The following WDR62 variants were observed in gnomAD, a reference collection of about 807,000 sequenced individuals.
WDR62 encodes the protein WD repeat-containing protein 62.
In WDR62, 112 loss-of-function variants were observed where a neutral mutation model predicts 160.6. The ratio of observed to expected loss-of-function variants is 0.70; its 90% confidence interval spans 0.60 to 0.82. WDR62 has a LOEUF of 0.82. Ranked by LOEUF, WDR62 falls within the 40% of genes least tolerant of loss-of-function variation. The pLI, the probability that WDR62 is intolerant of heterozygous loss-of-function variation, is 0.00. For synonymous variants in WDR62, 792 were observed against 815.1 expected (o/e 0.97, Z 0.48); for missense variants, 1,819 against 1,983.8 (o/e 0.92, Z 1.58).
At chr19:36,111,106 G>A in the WDR62 span, 20 of 1,138,548 alleles carry the variant, frequency 1.8e-5, no homozygotes, top group Non-Finnish European at 3.7e-6. Context: ...GTTCCTCAGA[G>A]GCTTCCCCTC....
rs758830395 is a variant in WDR62 at position 36,083,132 on chromosome 19, C to T, written c.1441C>T (p.Arg481Trp). 113 of 1,613,532 alleles carry T rather than the reference C, an allele frequency of 7.0e-5. No homozygotes were observed. The highest frequency in any genetic ancestry group is 1.8e-4 in the East Asian group (8 of 44,894). The stretch of plus-strand genomic sequence containing the variant: ...GCAGGACATGTCACACTTCCCAGAC[C>T]GGGGGAGCGAGAATGGGACACCCAT... ...HLQDMSHFPD[R>W]GSENGTPMDV... is the part of the protein sequence containing the mutation. The change falls in exon 11 of 32, where the codon CGG becomes TGG. Residue 481 changes from arginine (R) to tryptophan (W), a missense_variant. Arg to Trp is a moderately radical substitution (Grantham distance 101). This residue lies in a region of WDR62 where 934 missense variants were observed against 1,157.2 expected (regional missense o/e 0.81). Transcript: ENST00000401500.
chr19:36,101,900 C>T (rs1364211130), intron 25 of WDR62, 114 bp from the exon 26 acceptor site: 3 of 1,560,700 alleles, frequency 1.9e-6, no homozygotes, highest in Non-Finnish European at 2.6e-6. Flanking sequence ...CCCTGCTTCT[C>T]AGCCTGCGGG....
intron 9 of WDR62, among the ~76,000 whole-genome samples, chr19:36,080,888 A>G (rs1186513738): frequency 2.6e-5 from 4 of 152,224 alleles, no homozygotes; most frequent in South Asian, 4.1e-4. Context: ...TTCTTCAAAC[A>G]TATTGAATGT....
chr19:36,084,643 T>G lies in WDR62; in HGVS notation c.1551-10T>G. The G allele has an allele frequency of 1.2e-6, 2 of 1,613,568 alleles. No homozygotes were observed. Among genetic ancestry groups the G allele is most frequent in the East Asian group, 2.2e-5 (1 of 44,872 alleles). On this transcript the variant is annotated splice_polypyrimidine_tract_variant and intron_variant, in intron 11 of 31. Coordinates refer to ENST00000401500, the MANE Select transcript of WDR62 (RefSeq NM_001083961.2). ...GTGTGGGGCTTCAGCGGGCGGTGTG[T>G]GTCTCCCAGGATCCACGAGCTGCAC...
At chr19:36,099,078 C>T (rs1037259767) in intron 21 of WDR62, among the ~76,000 whole-genome samples, 5 of 151,990 alleles carry the variant, frequency 3.3e-5, no homozygotes, top group Admixed American at 3.3e-4. Context: ...AAAAATTAGC[C>T]AGGTGTGGTG....
chr19:36,056,099 G>A (rs904402343), intron 1 of WDR62, among the ~76,000 whole-genome samples: 3 of 152,200 alleles, frequency 2.0e-5, no homozygotes, highest in Non-Finnish European at 4.4e-5. Flanking sequence ...CTGGGAGGCG[G>A]AGGTTGCAGT....
At chr19:36,084,606 C>T in intron 11 of WDR62, 47 bp from the exon 12 acceptor site, 2 of 1,583,062 alleles carry the variant, frequency 1.3e-6, no homozygotes, top group Non-Finnish European at 1.7e-6. Context: ...TGGTAGAGCA[C>T]ATGGGGCTGG....
rs774588484 is a variant in WDR62 at position 36,089,092 on chromosome 19, G to A, written c.1823G>A (p.Arg608His). ...GGGGCTGACAAGAGCATCTACTTTC[G>A]CAGTGCCCAGCAGGTAGGGTGGCAT... is the stretch of plus-strand genomic sequence containing the variant. ...SCGADKSIYF[R>H]SAQQGSDGLH... The change falls in exon 14 of 32, where the codon CGC becomes CAC. Residue 608 changes from arginine (R) to histidine (H), a missense_variant. By Grantham distance (29) the Arg-to-His change is conservative. Around this residue, in one of 3 missense-constraint regions of WDR62, gnomAD observed 934 missense variants for 1,157.2 expected, o/e 0.81. Coordinates refer to ENST00000401500, the MANE Select transcript of WDR62 (RefSeq NM_001083961.2). The A allele has an allele frequency of 8.7e-6, 14 of 1,613,982 alleles. No individual in the cohort carries two copies. Among genetic ancestry groups the A allele is most frequent in the East Asian group, 2.2e-5 (1 of 44,894 alleles).
downstream of WDR62, among the ~76,000 whole-genome samples, chr19:36,108,501 A>C (rs923264374): frequency 2.0e-5 from 3 of 150,080 alleles, no homozygotes; most frequent in African/African-American, 7.5e-5. Flanking sequence ...AAATGGAGAC[A>C]CCACCTGAAA....
In WDR62 at chr19:36,066,358, A is replaced by G; in HGVS notation, c.492A>G (p.Ser164=). 4 of 1,613,818 alleles carry G rather than the reference A, an allele frequency of 2.5e-6. No homozygotes were observed. Among genetic ancestry groups the G allele is most frequent in the Non-Finnish European group, 3.4e-6 (4 of 1,179,864 alleles). Residue 164 remains serine, a synonymous_variant, in exon 5 of 32, where the codon TCA becomes TCG. Transcript: ENST00000401500. ...ATGGTGTGGCGTGTGTGGCCTTCTC[A>G]CCCAATATGAAGCACATCGTGTCCA... is the stretch of plus-strand genomic sequence containing the variant. ...HKYGVACVAF[S]PNMKHIVSMG... is the part of the protein sequence containing the mutation.
chr19:36,094,909 T>C (rs996530584), intron 20 of WDR62, among the ~76,000 whole-genome samples: 12 of 152,116 alleles, frequency 7.9e-5, no homozygotes, highest in African/African-American at 2.2e-4. Flanking sequence ...TGCACACCTA[T>C]AGTCCCAGCT....
intron 9 of WDR62, chr19:36,073,901 A>C: frequency 2.7e-6 from 1 of 367,386 alleles, no homozygotes; most frequent in South Asian, 2.1e-5. Context: ...GAGACCTGCA[A>C]CTGCTGGGGA....
At chr19:36,068,079 A>C in intron 7 of WDR62, 69 bp downstream of exon 7, 1 of 1,540,356 alleles carries the variant, frequency 6.5e-7, no homozygotes, top group Non-Finnish European at 8.8e-7. Context: ...AGGGGTGCTC[A>C]TCAGCATTGA....
chr19:36,087,124 C>T (rs1335355716), intron 13 of WDR62, among the ~76,000 whole-genome samples: 2 of 151,770 alleles, frequency 1.3e-5, no homozygotes, highest in East Asian at 1.9e-4. Flanking sequence ...CCCAGCTACT[C>T]AGGAGGCCGA....
rs1972587342 is a variant in WDR62, at chr19:36,091,273, A to C, written c.2108A>C (p.Tyr703Ser). The stretch of plus-strand genomic sequence containing the variant: ...AAAAGCATCTCAGTGATTGACTTTT[A>C]CTCGGGCGAGTGCATTGCCAAGATG... ...SDKSISVIDF[Y>S]SGECIAKMFG... Residue 703 changes from tyrosine to serine, a missense_variant, in exon 17 of 32, where the codon TAC becomes TCC. Transcript: ENST00000401500. The C allele has an allele frequency of 3.1e-6, 5 of 1,613,840 alleles. No individual in the cohort carries two copies. Among genetic ancestry groups the C allele is most frequent in the Non-Finnish European group, 2.5e-6 (3 of 1,180,048 alleles).
Position 36,104,576 on chromosome 19 carries a change from T to G in WDR62, c.4212T>G (p.Val1404=). The stretch of plus-strand genomic sequence containing the variant: ...GCTGGAGTGAGCCCTGGGTGCCGGT[T>G]GAAGCCCTGCCCCCATCTCCCCTTG... ...PARWSEPWVP[V]EALPPSPLEL... is the part of the protein sequence containing the mutation. The change falls in exon 31 of 32, where the codon GTT becomes GTG. Residue 1404 remains valine, a synonymous_variant. Transcript: ENST00000401500. The G allele has an allele frequency of 6.2e-7, 1 of 1,613,964 alleles. No individual in the cohort carries two copies. The highest frequency in any genetic ancestry group is 2.2e-5 in the East Asian group (1 of 44,860).
intron 9 of WDR62, among the ~76,000 whole-genome samples, chr19:36,078,769 G>C (rs1243934215): frequency 1.3e-5 from 2 of 150,580 alleles, no homozygotes; most frequent in Non-Finnish European, 3.0e-5. Flanking sequence ...CCGGGAGGCA[G>C]AGGTTGCAGT....
At chr19:36,060,680 T>G in intron 3 of WDR62, 1 of 153,496 alleles carries the variant, frequency 6.5e-6, no homozygotes, top group East Asian at 1.9e-4. Context: ...CCCCCAGCCC[T>G]CCAGCAGCTC....
chr19:36,081,219 G>C (rs1037917635), intron 9 of WDR62, among the ~76,000 whole-genome samples: 8 of 152,208 alleles, frequency 5.3e-5, no homozygotes, highest in African/African-American at 1.9e-4. Context: ...AAGTTTATTT[G>C]AGGGTATGTG....
Sources: allele counts gnomAD v4.1 joint callset (sites outside exome capture counted in the v4.1 genomes callset), GRCh38; gene constraint gnomAD v4.1.1; regional missense constraint gnomAD v4.1.1; transcripts MANE v1.5; gene names NCBI Gene and HGNC (gene_info 2026-07-23, HGNC 2026-07-21).